Variants in CMSS1 observed in about 807,000 individuals in gnomAD.
The protein encoded by CMSS1 is protein CMSS1.
CMSS1 carries 33 observed loss-of-function variants against 43.5 expected under a neutral mutation model. The ratio of observed to expected loss-of-function variants is 0.76; its 90% CI spans 0.57 to 1.01. CMSS1 has a LOEUF of 1.01. Ranked by LOEUF, CMSS1 falls within the 50% of genes least tolerant of loss-of-function variation. The pLI is 0.00. For synonymous variants in CMSS1, 115 were observed against 117.2 expected (o/e 0.98, Z 0.12); for missense variants, 313 against 326.4 (o/e 0.96, Z 0.32).
intron 1 of CMSS1, among the ~76,000 whole-genome samples, chr3:99,837,976 A>T (rs1237252023): frequency 6.6e-6 from 1 of 152,156 alleles, no homozygotes; most frequent in African/African-American, 2.4e-5. Context: ...CATGGTTGTG[A>T]TGTTCCTTCC....
intron 1 of CMSS1, among the ~76,000 whole-genome samples, chr3:99,859,272 TTC>T (rs1944123295): frequency 6.6e-6 from 1 of 152,238 alleles, no homozygotes; most frequent in African/African-American, 2.4e-5. Flanking sequence ...TATTTGTCAG[TTC>T]TTTTTTCCCC....
rs144809085 is a variant in CMSS1 at position 100,062,409 on chromosome 3, T to G, written c.65-84564T>G. 2.4e-3 allele frequency among the ~76,000 whole-genome samples: 370 copies of G among 152,038 alleles called. 1 individual carries two copies. Among genetic ancestry groups the G allele is most frequent in the African/African-American group, 8.4e-3 (348 of 41,464 alleles). ...TACAGGTGTGAGCCACCGCGCCCGG[T>G]CTATCCTGTCTTCTTTTAACAGAAG... On this transcript the variant is annotated intron_variant, in intron 1 of 9. Transcript: ENST00000421999.
intron 1 of CMSS1, among the ~76,000 whole-genome samples, chr3:99,858,528 C>CTTT (rs1454198999): frequency 6.6e-6 from 1 of 152,114 alleles, no homozygotes; most frequent in East Asian, 1.9e-4. Context: ...CCATCATCTG[C>CTTT]TAAATAACAT....
intron 1 of CMSS1, among the ~76,000 whole-genome samples, chr3:99,870,976 G>A (rs1262412161): frequency 6.6e-6 from 1 of 152,122 alleles, no homozygotes; most frequent in Non-Finnish European, 1.5e-5. Context: ...ATGCCCCCGG[G>A]TGACTCACCT....
chr3:100,067,166 C>T (rs1378567365), intron 1 of CMSS1, among the ~76,000 whole-genome samples: 1 of 150,866 alleles, frequency 6.6e-6, no homozygotes, highest in Non-Finnish European at 1.5e-5. Context: ...TTTTTGATCT[C>T]GTTTGTTTGT....
At chr3:99,840,384 C>T (rs1576500054) in intron 1 of CMSS1, among the ~76,000 whole-genome samples, 6 of 151,768 alleles carry the variant, frequency 4.0e-5, no homozygotes, top group South Asian at 4.2e-4. Flanking sequence ...CCACCATGCC[C>T]GGCTAATTTT....
chr3:99,895,597 A>C (rs529056998), intron 1 of CMSS1, among the ~76,000 whole-genome samples: 4 of 152,180 alleles, frequency 2.6e-5, no homozygotes, highest in Admixed American at 1.3e-4. Flanking sequence ...AATTTTTTTT[A>C]ACCTATAGAT....
intron 1 of CMSS1, among the ~76,000 whole-genome samples, chr3:99,962,489 T>C (rs975620291): frequency 3.9e-5 from 6 of 152,228 alleles, no homozygotes; most frequent in Admixed American, 2.6e-4. Context: ...TAGACAGATA[T>C]AGCTCTTTCA....
intron 1 of CMSS1, among the ~76,000 whole-genome samples, chr3:100,081,537 G>A (rs1576033170): frequency 6.6e-6 from 1 of 152,100 alleles, no homozygotes; most frequent in Non-Finnish European, 1.5e-5. Flanking sequence ...AGGGATTAAC[G>A]ACTCATGAAG....
rs542584327 is a variant in CMSS1 at position 100,161,279 on chromosome 3, A to G, written c.225+778A>G. Among the ~76,000 whole-genome samples, 194 of 152,330 alleles carry G rather than the reference A, an allele frequency of 1.3e-3. 2 individuals carry two copies. Among genetic ancestry groups the G allele is most frequent in the Non-Finnish European group, 2.0e-3 (135 of 68,024 alleles). ...GTGCATATGTTTTCTTTTCTTACAA[A>G]TGGCCAAATAGGAAAATGGGAGATG... On this transcript the variant is annotated intron_variant, in intron 3 of 9. Coordinates refer to ENST00000421999, the MANE Select transcript of CMSS1 (RefSeq NM_032359.4).
At chr3:99,955,008 C>G (rs916916509) in intron 1 of CMSS1, among the ~76,000 whole-genome samples, 10 of 152,184 alleles carry the variant, frequency 6.6e-5, no homozygotes. Context: ...TTGCCTCTTA[C>G]AAAGATTCCA....
intron 3 of CMSS1, 115 bp from the exon 4 acceptor site, chr3:100,162,188 C>T (rs921260337): frequency 1.3e-6 from 1 of 760,278 alleles, no homozygotes; most frequent in Non-Finnish European, 2.1e-6. Flanking sequence ...CCCACATTCA[C>T]ACTTGGCTAA....
At chr3:99,997,646 A>C (rs1314789353) in intron 1 of CMSS1, among the ~76,000 whole-genome samples, 1 of 152,208 alleles carries the variant, frequency 6.6e-6, no homozygotes, top group East Asian at 1.9e-4. Context: ...GAAAAAGTAA[A>C]AAGAATATTT....
At chr3:99,961,678 A>G (rs1046997028) in intron 1 of CMSS1, among the ~76,000 whole-genome samples, 1 of 152,192 alleles carries the variant, frequency 6.6e-6, no homozygotes, top group Non-Finnish European at 1.5e-5. Flanking sequence ...TACTTAGAAT[A>G]TTCTTTTATA....
intron 1 of CMSS1, among the ~76,000 whole-genome samples, chr3:100,048,138 G>C (rs1055072076): frequency 6.6e-6 from 1 of 152,206 alleles, no homozygotes; most frequent in African/African-American, 2.4e-5. Context: ...TTCTGGCCCT[G>C]TTTGCCCCAC....
intron 1 of CMSS1, among the ~76,000 whole-genome samples, chr3:100,037,099 G>C (rs909677382): frequency 2.6e-5 from 4 of 151,834 alleles, no homozygotes; most frequent in African/African-American, 9.7e-5. Flanking sequence ...AATGCAAACA[G>C]AACAGTATTG....
intron 1 of CMSS1, among the ~76,000 whole-genome samples, chr3:99,869,645 A>T (rs1368063114): frequency 6.6e-6 from 1 of 152,160 alleles, no homozygotes; most frequent in Non-Finnish European, 1.5e-5. Flanking sequence ...AGGCTCCTGG[A>T]CCAGGCAACT....
At chr3:100,176,531 T>G (rs912271821) in intron 9 of CMSS1, 116 bp downstream of exon 9, 2 of 656,002 alleles carry the variant, frequency 3.0e-6, no homozygotes, top group African/African-American at 3.7e-5. Context: ...TTGAAATGAT[T>G]TCTATCTTTT....
At chr3:100,007,831 G>A (rs1710032592) in intron 1 of CMSS1, among the ~76,000 whole-genome samples, 1 of 152,228 alleles carries the variant, frequency 6.6e-6, no homozygotes, top group Non-Finnish European at 1.5e-5. Flanking sequence ...GCCAGCCACT[G>A]AGGGAGTACA....
Sources: allele counts gnomAD v4.1 joint callset (sites outside exome capture counted in the v4.1 genomes callset), GRCh38; gene constraint gnomAD v4.1.1; transcripts MANE v1.5; gene names NCBI Gene and HGNC (gene_info 2026-07-23, HGNC 2026-07-21).